Variants in ARF4 observed in about 807,000 individuals in gnomAD.
The protein encoded by ARF4 is ARF GTPase 4, also known as ADP-ribosylation factor 4.
In ARF4, 5 loss-of-function variants were observed where a neutral mutation model predicts 24.3. The observed-to-expected ratio is 0.21, with a 90% CI of 0.11 to 0.43. The LOEUF is 0.43. ARF4 is among the 20% of genes least tolerant of loss of function. The pLI, the probability that ARF4 is intolerant of heterozygous loss-of-function variation, is 1.00. For missense variants in ARF4, 107 were observed against 213.0 expected (o/e 0.50, Z 3.10); for synonymous variants, 62 against 73.5 (o/e 0.84, Z 0.80).
chr3:57,579,445 ACCT>A (rs1020526760), intron 3 of ARF4, among the ~76,000 whole-genome samples: 12 of 151,564 alleles, frequency 7.9e-5, no homozygotes, highest in Admixed American at 5.3e-4. Flanking sequence ...CCACCATTAC[ACCT>A]GGCTAATTTT....
chr3:57,574,442 T>C (rs2153408369), intron 5 of ARF4, among the ~76,000 whole-genome samples: 1 of 150,256 alleles, frequency 6.7e-6, no homozygotes. Flanking sequence ...ACAGTCTTGC[T>C]CTGTCACCCA....
intron 5 of ARF4, 55 bp from the exon 6 acceptor site, chr3:57,572,353 G>T: frequency 7.7e-7 from 1 of 1,297,394 alleles, no homozygotes; most frequent in Non-Finnish European, 1.1e-6. Context: ...TATAACACCA[G>T]TGTTTAAACT....
chr3:57,592,226 T>G (rs1243169171), intron 1 of ARF4, among the ~76,000 whole-genome samples: 1 of 152,124 alleles, frequency 6.6e-6, no homozygotes, highest in Non-Finnish European at 1.5e-5. Context: ...CGGTGACTCA[T>G]GCCTGTAATC....
chr3:57,597,236 G>A lies in ARF4; in HGVS notation c.-96C>T, dbSNP rs902164100. 28 of 1,211,494 alleles carry A rather than the reference G, an allele frequency of 2.3e-5. No homozygotes were observed. Among genetic ancestry groups the A allele is most frequent in the Middle Eastern group, 1.9e-4 (1 of 5,186 alleles). 75.0% of individuals were successfully genotyped at this position (1,211,494 alleles called of 1,614,324 possible). ...GCTCCCAGGCAAACTAAACGAGAGG[G>A]AAGAGAAAGAGCGGAGGAAGAAAGA... On this transcript the variant is annotated 5_prime_UTR_variant, in exon 1 of 6. Coordinates refer to ENST00000303436, the MANE Select transcript of ARF4 (RefSeq NM_001660.4).
chr3:57,573,852 G>C (rs2069869436), intron 5 of ARF4, among the ~76,000 whole-genome samples: 1 of 152,170 alleles, frequency 6.6e-6, no homozygotes, highest in African/African-American at 2.4e-5. Context: ...AAAGTGCTGG[G>C]ATTACAGGTG....
intron 3 of ARF4, among the ~76,000 whole-genome samples, chr3:57,581,063 C>A (rs1259963885): frequency 6.6e-6 from 1 of 152,224 alleles, no homozygotes; most frequent in Non-Finnish European, 1.5e-5. Flanking sequence ...ATAAGCCCAG[C>A]TGCTATGAAA....
At chr3:57,588,438 T>C (rs1039378726) in intron 1 of ARF4, among the ~76,000 whole-genome samples, 1 of 152,238 alleles carries the variant, frequency 6.6e-6, no homozygotes, top group Non-Finnish European at 1.5e-5. Context: ...CTGTGCATGG[T>C]GGCTCACACC....
intron 1 of ARF4, among the ~76,000 whole-genome samples, chr3:57,587,319 CAAAAAAAAAAA>C (rs56787111): frequency 2.2e-5 from 1 of 45,406 alleles, no homozygotes; most frequent in African/African-American, 7.7e-5. Flanking sequence ...AACTCAGTCT[CAAAAAAAAAAA>C]AAAAAAAAAA....
At chr3:57,585,628 T>G (rs541554138) in intron 1 of ARF4, among the ~76,000 whole-genome samples, 10 of 151,718 alleles carry the variant, frequency 6.6e-5, no homozygotes, top group Non-Finnish European at 1.2e-4. Flanking sequence ...TAAAAGACCC[T>G]ATCACATTCA....
At chr3:57,589,816 G>A (rs1300905429) in intron 1 of ARF4, among the ~76,000 whole-genome samples, 2 of 151,952 alleles carry the variant, frequency 1.3e-5, no homozygotes, top group African/African-American at 2.4e-5. Context: ...GATCCAGCCG[G>A]GCACGGTGGC....
At chr3:57,587,404 A>C (rs2070052332) in intron 1 of ARF4, among the ~76,000 whole-genome samples, 1 of 151,730 alleles carries the variant, frequency 6.6e-6, no homozygotes, top group Admixed American at 6.6e-5. Flanking sequence ...TCATGACTAT[A>C]TCATTTTAAA....
chr3:57,576,589 A>T (rs568787717), intron 4 of ARF4, among the ~76,000 whole-genome samples: 1 of 149,250 alleles, frequency 6.7e-6, no homozygotes, highest in Non-Finnish European at 1.5e-5. Context: ...AGTTACACAT[A>T]TACTGGCACA....
chr3:57,591,066 C>G (rs1275254889), intron 1 of ARF4, among the ~76,000 whole-genome samples: 1 of 152,080 alleles, frequency 6.6e-6, no homozygotes, highest in Non-Finnish European at 1.5e-5. Context: ...AACAGAAGAA[C>G]AGATATTTAA....
intron 3 of ARF4, among the ~76,000 whole-genome samples, chr3:57,580,644 A>T (rs2069959038): frequency 1.3e-5 from 2 of 151,968 alleles, no homozygotes; most frequent in Admixed American, 1.3e-4. Context: ...TCCTCGTATC[A>T]TGGCCTCCCA....
intron 5 of ARF4, among the ~76,000 whole-genome samples, chr3:57,572,624 C>A (rs1221165653): frequency 6.6e-6 from 1 of 152,072 alleles, no homozygotes. Context: ...TGCAGTGAGC[C>A]GAGGCTGTGC....
chr3:57,577,233 A>G, intron 4 of ARF4, 83 bp downstream of exon 4: 2 of 1,124,304 alleles, frequency 1.8e-6, no homozygotes, highest in Non-Finnish European at 1.3e-6. Context: ...TAATCTAATC[A>G]TAGTCAAAAT....
intron 2 of ARF4, 90 bp downstream of exon 2, chr3:57,584,294 T>A: frequency 8.4e-7 from 1 of 1,192,978 alleles, no homozygotes; most frequent in African/African-American, 1.5e-5. Context: ...ATAATCAACA[T>A]GCTTAACAAA....
At chr3:57,583,871 G>A (rs1484919997) in intron 3 of ARF4, 27 bp downstream of exon 3, 1 of 1,478,012 alleles carries the variant, frequency 6.8e-7, no homozygotes, top group Non-Finnish European at 9.3e-7. Flanking sequence ...ACAAAGAAAA[G>A]TTATAAAAAC....
intron 1 of ARF4, among the ~76,000 whole-genome samples, chr3:57,584,978 C>T (rs1386112093): frequency 6.6e-6 from 1 of 152,100 alleles, no homozygotes; most frequent in African/African-American, 2.4e-5. Context: ...ATTCTCCTGC[C>T]TCAGCCTCCC....
Sources: gnomAD v4.1 joint callset for allele counts (sites outside exome capture counted in the v4.1 genomes callset) on GRCh38, gnomAD v4.1.1 for gene constraint, MANE v1.5 for transcripts, NCBI Gene and HGNC (gene_info 2026-07-23, HGNC 2026-07-21) for gene names.